KCTD8: variants seen among roughly 807,000 people sequenced by gnomAD.
KCTD8 encodes potassium channel tetramerization domain containing 8, also known as BTB/POZ domain-containing protein KCTD8.
In KCTD8, 27 loss-of-function variants were observed where a neutral mutation model predicts 31.5. The observed-to-expected ratio is 0.86, with a 90% confidence interval of 0.63 to 1.18. The LOEUF is 1.18. Among genes scored for constraint, KCTD8 ranks in the 50% most tolerant of loss-of-function variants. KCTD8 has a pLI of 0.00. For missense variants in KCTD8, 658 were observed against 647.7 expected, an observed-to-expected ratio of 1.02 and a Z score of -0.17; for synonymous variants, 290 against 280.0, an observed-to-expected ratio of 1.04 and a Z score of -0.36.
At chr4:44,349,900 A>T (rs752540619) in intron 1 of KCTD8, among the ~76,000 whole-genome samples, 20 of 152,180 alleles carry the variant, frequency 1.3e-4, no homozygotes, top group African/African-American at 2.4e-5. Context: ...GGGCCAAATA[A>T]TTCTTTCTGG....
intron 1 of KCTD8, among the ~76,000 whole-genome samples, chr4:44,324,756 A>T (rs1418916472): frequency 1.3e-5 from 2 of 151,974 alleles, no homozygotes; most frequent in Non-Finnish European, 2.9e-5. Flanking sequence ...CTTTTGATAA[A>T]CATGTTATTT....
chr4:44,217,033 TA>T (rs1200233616), intron 1 of KCTD8, among the ~76,000 whole-genome samples: 3 of 150,254 alleles, frequency 2.0e-5, no homozygotes, highest in Non-Finnish European at 4.5e-5. Context: ...ACAATTTTTT[TA>T]AAAACCTAAC....
intron 1 of KCTD8, among the ~76,000 whole-genome samples, chr4:44,285,475 G>A (rs1336911853): frequency 6.6e-6 from 1 of 151,944 alleles, no homozygotes; most frequent in African/African-American, 2.4e-5. Context: ...CCTGTAGGGG[G>A]TCGGGGTGTA....
intron 1 of KCTD8, 138 bp downstream of exon 1, chr4:44,447,425 G>T (rs987011979): frequency 1.5e-6 from 2 of 1,330,946 alleles, no homozygotes; most frequent in Non-Finnish European, 2.0e-6. Flanking sequence ...AGGGAATCGT[G>T]CAGGGAGAGC....
At chr4:44,445,984 T>C (rs1321060258) in intron 1 of KCTD8, among the ~76,000 whole-genome samples, 1 of 152,244 alleles carries the variant, frequency 6.6e-6, no homozygotes, top group Non-Finnish European at 1.5e-5. Flanking sequence ...TTAATCTTTT[T>C]ATTGTGTAAC....
intron 1 of KCTD8, among the ~76,000 whole-genome samples, chr4:44,406,553 G>C (rs536547967): frequency 4.6e-5 from 7 of 152,232 alleles, no homozygotes; most frequent in Non-Finnish European, 4.4e-5. Context: ...GGCCTCCCCA[G>C]CCATGTCGAA....
chr4:44,241,900 T>C (rs1715466159), intron 1 of KCTD8, among the ~76,000 whole-genome samples: 1 of 152,228 alleles, frequency 6.6e-6, no homozygotes, highest in Non-Finnish European at 1.5e-5. Flanking sequence ...TTTATTGCTA[T>C]AATAATAAAT....
In KCTD8 at chr4:44,448,306, A is replaced by G. The variant is rs1722008156; in HGVS notation, c.218T>C (p.Met73Thr). 2 of 1,606,572 alleles carry G rather than the reference A, an allele frequency of 1.2e-6. No individual in the cohort carries two copies. Among genetic ancestry groups the G allele is most frequent in the Middle Eastern group, 1.7e-4 (1 of 6,010 alleles). The change falls in exon 1 of 2, where the codon ATG becomes ACG. Residue 73 changes from methionine (M) to threonine (T), a missense_variant. Transcript: ENST00000360029. This position sits in a 1 kb window ranked among gnomAD's most constrained non-coding sequence, Gnocchi z 4.1. Reference sequence around the variant, plus strand: ...GCCACGGGGACTAGAGGGCGAGAACATGCTGGCCAAAGTACTGTCCGGGAC... The same window carrying G: ...GCCACGGGGACTAGAGGGCGAGAACGTGCTGGCCAAAGTACTGTCCGGGAC... ...LSVPDSTLAS[M>T]FSPSSPRGGA...
chr4:44,238,641 G>A (rs1011168323), intron 1 of KCTD8, among the ~76,000 whole-genome samples: 1 of 152,108 alleles, frequency 6.6e-6, no homozygotes, highest in Non-Finnish European at 1.5e-5. Context: ...TGTAACTCAA[G>A]AAAATATTCC....
intron 1 of KCTD8, among the ~76,000 whole-genome samples, chr4:44,176,002 C>A (rs1161926021): frequency 6.6e-6 from 1 of 152,112 alleles, no homozygotes; most frequent in Non-Finnish European, 1.5e-5. Flanking sequence ...ATAATTATTT[C>A]AAATTCACAG....
chr4:44,394,497 A>G (rs1221116664), intron 1 of KCTD8, among the ~76,000 whole-genome samples: 2 of 152,136 alleles, frequency 1.3e-5, no homozygotes, highest in Non-Finnish European at 2.9e-5. Flanking sequence ...TGCAATATGT[A>G]TTCCCATATT....
chr4:44,374,706 G>A (rs1221000402), intron 1 of KCTD8, among the ~76,000 whole-genome samples: 1 of 152,034 alleles, frequency 6.6e-6, no homozygotes, highest in Non-Finnish European at 1.5e-5. Flanking sequence ...TGAGAGATGT[G>A]GGGGGAGGCT....
intron 1 of KCTD8, among the ~76,000 whole-genome samples, chr4:44,438,646 A>C (rs1721739660): frequency 6.6e-6 from 1 of 152,354 alleles, no homozygotes; most frequent in Admixed American, 6.5e-5. Context: ...ATAATTTTAA[A>C]AAGTAAGAAC....
rs114515792 is a variant in KCTD8, at chr4:44,437,269, A to G, written c.961+10294T>C. ...GAGCCTCACAACTTGTATCTTATGTATCTATTAGGCATGTCATTCACCTAC... is the reference window on the plus strand; with the variant it reads ...GAGCCTCACAACTTGTATCTTATGTGTCTATTAGGCATGTCATTCACCTAC... On this transcript the variant is annotated intron_variant, in intron 1 of 1. Coordinates refer to ENST00000360029, the MANE Select transcript of KCTD8 (RefSeq NM_198353.3). 4.0e-3 allele frequency among the ~76,000 whole-genome samples: 602 copies of G among 152,222 alleles called. 1 individual carries two copies. Among genetic ancestry groups the G allele is most frequent in the Non-Finnish European group, 6.9e-3 (472 of 68,010 alleles).
intron 1 of KCTD8, among the ~76,000 whole-genome samples, chr4:44,300,785 A>G (rs1177062537): frequency 1.3e-5 from 2 of 151,974 alleles, no homozygotes; most frequent in East Asian, 3.9e-4. Flanking sequence ...TTACATATGT[A>G]TATATGTGCC....
chr4:44,216,484 C>T (rs1254827199), intron 1 of KCTD8, among the ~76,000 whole-genome samples: 1 of 152,016 alleles, frequency 6.6e-6, no homozygotes, highest in African/African-American at 2.4e-5. Context: ...ATAGAAGGCA[C>T]TGTTATCATA....
intron 1 of KCTD8, among the ~76,000 whole-genome samples, chr4:44,309,330 T>G (rs961117905): frequency 1.6e-4 from 24 of 152,236 alleles, no homozygotes; most frequent in African/African-American, 5.5e-4. Context: ...TGAGCCACTG[T>G]GCTCTGCCTA....
At chr4:44,270,283 T>C (rs1015994548) in intron 1 of KCTD8, among the ~76,000 whole-genome samples, 7 of 150,634 alleles carry the variant, frequency 4.6e-5, no homozygotes, top group African/African-American at 1.7e-4. Context: ...CAGCAAACTA[T>C]CACAAGGACA....
rs146544584 is a variant in KCTD8 at position 44,264,637 on chromosome 4, G to T, written c.962-89387C>A. On this transcript the variant is annotated intron_variant, in intron 1 of 1. Transcript: ENST00000360029. The stretch of plus-strand genomic sequence containing the variant: ...CAGGGAGTTCCCTTTCCTGGTCAAG[G>T]AAAGGGGTGACAGAGGGCACCTGGA... Among the ~76,000 whole-genome samples, 16 of 152,322 alleles carry T rather than the reference G, an allele frequency of 1.1e-4. No individual in the cohort carries two copies. In the East Asian group the frequency reaches 3.1e-3, roughly 29 times the overall value.
Sources: gnomAD v4.1 joint callset for allele counts (sites outside exome capture counted in the v4.1 genomes callset) on GRCh38, gnomAD v4.1.1 for gene constraint, Gnocchi (gnomAD v3.1) non-coding constraint, MANE v1.5 for transcripts, NCBI Gene and HGNC (gene_info 2026-07-23, HGNC 2026-07-21) for gene names.